GUCY1A2: variants seen among roughly 807,000 people sequenced by gnomAD.
GUCY1A2 encodes guanylate cyclase 1 soluble subunit alpha 2.
A neutral mutation model predicts 63.5 loss-of-function variants in GUCY1A2; 27 were observed. That is an observed-to-expected ratio of 0.43 (90% confidence interval 0.31 to 0.59). GUCY1A2 has a LOEUF of 0.59. Among genes scored for constraint, GUCY1A2 ranks in the 20% least tolerant of loss-of-function variants. The pLI, the probability that GUCY1A2 is intolerant of heterozygous loss-of-function variation, is 0.11. For missense variants in GUCY1A2, 768 were observed against 913.3 expected (o/e 0.84, Z 2.05); for synonymous variants, 364 against 343.5 (o/e 1.06, Z -0.66).
intron 6 of GUCY1A2, among the ~76,000 whole-genome samples, chr11:106,756,639 GA>G (rs1293531637): frequency 6.6e-6 from 1 of 152,142 alleles, no homozygotes; most frequent in East Asian, 1.9e-4. Flanking sequence ...ATTCTGGGTT[GA>G]AAATTCTTTT....
chr11:106,962,148 C>T (rs909102707), intron 3 of GUCY1A2, among the ~76,000 whole-genome samples: 1 of 152,194 alleles, frequency 6.6e-6, no homozygotes, highest in South Asian at 2.1e-4. Context: ...GTGAATACCA[C>T]TGTTACTTGA....
chr11:106,727,397 T>C (rs1357488359), intron 6 of GUCY1A2, among the ~76,000 whole-genome samples: 1 of 152,130 alleles, frequency 6.6e-6, no homozygotes, highest in Non-Finnish European at 1.5e-5. Context: ...ACTGAATCTG[T>C]CAAACAGAAG....
At chr11:106,944,716 G>T (rs1458163019) in intron 3 of GUCY1A2, among the ~76,000 whole-genome samples, 1 of 152,042 alleles carries the variant, frequency 6.6e-6, no homozygotes, top group Admixed American at 6.6e-5. Context: ...GAGAAATGTG[G>T]TATAATGAAG....
intron 3 of GUCY1A2, among the ~76,000 whole-genome samples, chr11:106,975,824 A>T (rs1458436192): frequency 1.3e-5 from 2 of 152,182 alleles, no homozygotes; most frequent in African/African-American, 4.8e-5. Context: ...AGGTGAGAGA[A>T]CAAATGAGTG....
intron 3 of GUCY1A2, among the ~76,000 whole-genome samples, chr11:106,955,430 G>A (rs993762197): frequency 1.3e-5 from 2 of 152,176 alleles, no homozygotes; most frequent in Admixed American, 6.5e-5. Context: ...TGTTTTTGCA[G>A]TACCTGGTAC....
At chr11:106,791,630 A>G (rs1423994600) in intron 5 of GUCY1A2, among the ~76,000 whole-genome samples, 1 of 152,172 alleles carries the variant, frequency 6.6e-6, no homozygotes, top group African/African-American at 2.4e-5. Flanking sequence ...TAAATCCTAC[A>G]ATTTTTATAT....
In GUCY1A2 at chr11:106,988,377, A is replaced by G. The variant is rs147756943; in HGVS notation, c.304-2246T>C. 4.2e-3 allele frequency among the ~76,000 whole-genome samples: 647 copies of G among 152,310 alleles called. 2 individuals carry two copies. Among genetic ancestry groups the G allele is most frequent in the Non-Finnish European group, 6.0e-3 (405 of 68,036 alleles). ...TATCCACAGAGGGATGATCCTTCCA[A>G]TAACCTCTGGTCATAAAACATGGAA... On this transcript the variant is annotated intron_variant, in intron 1 of 7. Transcript: ENST00000526355.
intron 4 of GUCY1A2, among the ~76,000 whole-genome samples, chr11:106,929,491 C>T (rs1860572680): frequency 6.6e-6 from 1 of 152,136 alleles, no homozygotes; most frequent in African/African-American, 2.4e-5. Flanking sequence ...TAAACCATAT[C>T]TGCTATGAAA....
chr11:106,934,209 ATACT>A (rs1180889642), intron 4 of GUCY1A2, among the ~76,000 whole-genome samples: 1 of 152,228 alleles, frequency 6.6e-6, no homozygotes, highest in Non-Finnish European at 1.5e-5. Context: ...GGTCTCATTC[ATACT>A]TACAAGAACA....
At chr11:106,978,470 G>T in intron 3 of GUCY1A2, 149 bp downstream of exon 3, 2 of 499,084 alleles carry the variant, frequency 4.0e-6, no homozygotes, top group South Asian at 4.0e-5. Context: ...ACATCTTCAG[G>T]AGAGTTAACA....
At chr11:106,710,574 A>G (rs1445919153) in intron 6 of GUCY1A2, among the ~76,000 whole-genome samples, 2 of 151,094 alleles carry the variant, frequency 1.3e-5, no homozygotes, top group East Asian at 3.9e-4. Context: ...TCAACCCTTG[A>G]GACAGTCAAT....
At chr11:106,710,198 T>TTA (rs552874833) in intron 6 of GUCY1A2, among the ~76,000 whole-genome samples, 226 of 19,828 alleles carry the variant, frequency 0.011, 18 homozygotes, top group African/African-American at 0.024. Context: ...TAATATATAG[T>TTA]TATATATTAT....
chr11:106,902,890 C>A (rs573300686), intron 4 of GUCY1A2, among the ~76,000 whole-genome samples: 2 of 152,248 alleles, frequency 1.3e-5, no homozygotes, highest in East Asian at 3.9e-4. Flanking sequence ...CACTATTTTA[C>A]AGCAAGAACT....
At chr11:106,758,727 A>G (rs1864015595) in intron 6 of GUCY1A2, among the ~76,000 whole-genome samples, 1 of 152,242 alleles carries the variant, frequency 6.6e-6, no homozygotes, top group Non-Finnish European at 1.5e-5. Context: ...TAGGCAATGA[A>G]GAGTCAACAG....
intron 1 of GUCY1A2, among the ~76,000 whole-genome samples, chr11:106,995,238 G>A (rs181330918): frequency 7.9e-5 from 12 of 152,294 alleles, no homozygotes; most frequent in Non-Finnish European, 1.3e-4. Flanking sequence ...TGGACCCTAC[G>A]TGTCACATGC....
chr11:106,894,194 T>C (rs1374645013), intron 4 of GUCY1A2, among the ~76,000 whole-genome samples: 1 of 152,128 alleles, frequency 6.6e-6, no homozygotes. Flanking sequence ...AGTAAAGTTA[T>C]CAGGGATGAA....
intron 6 of GUCY1A2, among the ~76,000 whole-genome samples, chr11:106,774,164 C>T (rs1360261043): frequency 1.3e-5 from 2 of 151,702 alleles, no homozygotes; most frequent in Non-Finnish European, 2.9e-5. Context: ...GATGGAGTCT[C>T]GCTCTGTCAC....
In GUCY1A2 at chr11:106,708,678, T is replaced by C. The variant is rs768965275; in HGVS notation, c.1837-12A>G. ...ATTCCTATCCTCATCTAAAGAAGAATGAAAGAGGAAAAGGAACATATTTGT... is the reference window on the plus strand; with the variant it reads ...ATTCCTATCCTCATCTAAAGAAGAACGAAAGAGGAAAAGGAACATATTTGT... On this transcript the variant is annotated splice_polypyrimidine_tract_variant and intron_variant, in intron 6 of 7. Transcript: ENST00000526355. 1 of 1,556,778 alleles carries C rather than the reference T, an allele frequency of 6.4e-7. No individual in the cohort carries two copies. Among genetic ancestry groups the C allele is most frequent in the African/African-American group, 1.4e-5 (1 of 72,394 alleles).
intron 4 of GUCY1A2, among the ~76,000 whole-genome samples, chr11:106,867,897 A>G (rs1192680575): frequency 6.6e-6 from 1 of 152,066 alleles, no homozygotes; most frequent in Non-Finnish European, 1.5e-5. Flanking sequence ...TTATAAACTA[A>G]TCTGCATATG....
Sources: allele counts gnomAD v4.1 joint callset (sites outside exome capture counted in the v4.1 genomes callset), GRCh38; gene constraint gnomAD v4.1.1; transcripts MANE v1.5; gene names NCBI Gene and HGNC (gene_info 2026-07-23, HGNC 2026-07-21).